ADGRB2: variants seen among roughly 807,000 people sequenced by gnomAD.
ADGRB2 encodes adhesion G protein-coupled receptor B2, also known as brain-specific angiogenesis inhibitor 2.
A neutral mutation model predicts 178.7 loss-of-function variants in ADGRB2; 47 were observed. The ratio of observed to expected loss-of-function variants is 0.26; its 90% confidence interval spans 0.21 to 0.34. The LOEUF (loss-of-function observed/expected upper bound fraction) is 0.34, where lower values mean the gene tolerates loss of function less well. Among genes scored for constraint, ADGRB2 ranks in the 10% least tolerant of loss-of-function variants. The pLI is 1.00. For synonymous variants in ADGRB2, 870 were observed against 912.4 expected (o/e 0.95, Z 0.84); for missense variants, 1,584 against 2,180.8 (o/e 0.73, Z 5.45).
Position 31,764,038 on chromosome 1 carries a change from G to A in ADGRB2, c.-345C>T, listed in dbSNP as rs1647129623. 1 of 974,942 alleles carries A rather than the reference G, an allele frequency of 1.0e-6. No individual in the cohort carries two copies. Among genetic ancestry groups the A allele is most frequent in the African/African-American group, 1.8e-5 (1 of 55,752 alleles). 60.4% of individuals were successfully genotyped at this position (974,942 alleles called of 1,614,324 possible). ...AGGCTCCCGCTCTCCCGGGCGGCGG[G>A]TGCAGAAAAGGCGCCGCGGAGCAGC... On this transcript the variant is annotated 5_prime_UTR_variant, in exon 1 of 33. Coordinates refer to ENST00000373658, the MANE Select transcript of ADGRB2 (RefSeq NM_001364857.2). This position sits in a 1 kb window ranked among gnomAD's most constrained non-coding sequence, Gnocchi z 7.3.
At position 31,739,012 on chromosome 1, in the gene ADGRB2, A is replaced by G. The variant is rs1423178845; in HGVS notation, c.2496-75T>C. The stretch of plus-strand genomic sequence containing the variant: ...GTCAGAAACCCTGAAGCCGCTTTGG[A>G]TGGGTGTGCAGAGGCTTCCAAGGAG... On this transcript the variant is annotated intron_variant, in intron 15 of 32. Transcript: ENST00000373658. The G allele has an allele frequency of 5.2e-6, 7 of 1,346,488 alleles. No individual in the cohort carries two copies. The African/African-American group carries it at 1.0e-4, about 19-fold the overall frequency. The allele number at this position is 1,346,488 out of a possible 1,614,324, so 83.4% of individuals were successfully genotyped here.
Position 31,740,583 on chromosome 1 carries a change from G to A in ADGRB2, c.1795-42C>T, listed in dbSNP as rs1423458188. Reference sequence around the variant, plus strand: ...GGCCACAGTCACTGAAGTGTCAGGAGCTGGAACCAGACCCTGGCCCATCCC... The same window carrying A: ...GGCCACAGTCACTGAAGTGTCAGGAACTGGAACCAGACCCTGGCCCATCCC... On this transcript the variant is annotated intron_variant, in intron 11 of 32. Transcript: ENST00000373658. This position sits in a 1 kb window ranked among gnomAD's most constrained non-coding sequence, Gnocchi z 5.9. 6.5e-7 allele frequency: 1 copy of A among 1,528,350 alleles called. No homozygotes were observed. Among genetic ancestry groups the A allele is most frequent in the Admixed American group, 2.0e-5 (1 of 49,468 alleles). 94.7% of individuals were successfully genotyped at this position (1,528,350 alleles called of 1,614,324 possible). A position where few individuals can be genotyped will look rare whatever the true frequency, so the allele number is the denominator to read the frequency against.
chr1:31,728,101 T>C lies in ADGRB2; in HGVS notation c.4516-20A>G, dbSNP rs1368094861. 1 of 1,611,480 alleles carries C rather than the reference T, an allele frequency of 6.2e-7. No homozygotes were observed. Among genetic ancestry groups the C allele is most frequent in the Admixed American group, 1.7e-5 (1 of 59,834 alleles). On this transcript the variant is annotated intron_variant, in intron 31 of 32. Transcript: ENST00000373658. The surrounding 1 kb of genome is among the most constrained non-coding windows in gnomAD (Gnocchi z 6.7). ...CTCCCTCTGCAACGGGGGCCACCGGTCAGGCTCCAACCCCAGGGGCCACTG... is the reference window on the plus strand; with the variant it reads ...CTCCCTCTGCAACGGGGGCCACCGGCCAGGCTCCAACCCCAGGGGCCACTG...
Position 31,727,949 on chromosome 1 carries a change from C to T in ADGRB2, c.4572+76G>A, listed in dbSNP as rs1172683109. Reference sequence around the variant, plus strand: ...CCTTGGTGAGACAGGCTGGGGTTGCCTGGGAGGGGCAGGAGGGCAGGGAGG... The same window carrying T: ...CCTTGGTGAGACAGGCTGGGGTTGCTTGGGAGGGGCAGGAGGGCAGGGAGG... On this transcript the variant is annotated intron_variant, in intron 32 of 32. Transcript: ENST00000373658. The surrounding 1 kb of genome is among the most constrained non-coding windows in gnomAD (Gnocchi z 4.4). 2 of 1,485,420 alleles carry T rather than the reference C, an allele frequency of 1.3e-6. No individual in the cohort carries two copies. Among genetic ancestry groups the T allele is most frequent in the Admixed American group, 2.1e-5 (1 of 48,632 alleles). The allele number at this position is 1,485,420 out of a possible 1,614,324, so 92.0% of individuals were successfully genotyped here. A position where few individuals can be genotyped will look rare whatever the true frequency, so the allele number is the denominator to read the frequency against.
At chr1:31,738,794 G>C (rs1191956685) in intron 16 of ADGRB2, 38 bp downstream of exon 16, 5 of 1,609,802 alleles carry the variant, frequency 3.1e-6, no homozygotes, top group Non-Finnish European at 4.3e-6. Context: ...CACCCAGGTT[G>C]AGGTGCACCC....
rs1350793024 is a variant in ADGRB2, at chr1:31,759,057, C to A, written c.-190-1546G>T. ...CCCCCACTTACAGCAGCTCAGGGAACCTCCCCTCACATACACACCAACACA... is the reference window on the plus strand; with the variant it reads ...CCCCCACTTACAGCAGCTCAGGGAAACTCCCCTCACATACACACCAACACA... On this transcript the variant is annotated intron_variant, in intron 1 of 32. Coordinates refer to ENST00000373658, the MANE Select transcript of ADGRB2 (RefSeq NM_001364857.2). This position sits in a 1 kb window ranked among gnomAD's most constrained non-coding sequence, Gnocchi z 4.3. Among the ~76,000 whole-genome samples the A allele has an allele frequency of 6.6e-6, 1 of 152,210 alleles. No homozygotes were observed. Among genetic ancestry groups the A allele is most frequent in the African/African-American group, 2.4e-5 (1 of 41,444 alleles).
At chr1:31,736,845 G>A in intron 20 of ADGRB2, 122 bp from the exon 21 acceptor site, 1 of 1,434,832 alleles carries the variant, frequency 7.0e-7, no homozygotes, top group Non-Finnish European at 9.2e-7. Context: ...GCCCCCCACA[G>A]AGCCCTGCCA....
At position 31,754,259 on chromosome 1, in the gene ADGRB2, G is replaced by C. The variant is rs1357341866; in HGVS notation, c.838+1740C>G. 6.6e-6 allele frequency among the ~76,000 whole-genome samples: 1 copy of C among 152,252 alleles called. No individual in the cohort carries two copies. ...CAACCAAGCCCAGCTGGCTGCTCCT[G>C]GCTCTGTGCTCCACATGGCAGCCCG... On this transcript the variant is annotated intron_variant, in intron 4 of 32. Transcript: ENST00000373658. The surrounding 1 kb of genome is among the most constrained non-coding windows in gnomAD (Gnocchi z 5.7).
intron 4 of ADGRB2, among the ~76,000 whole-genome samples, chr1:31,751,989 A>G (rs867393520): frequency 2.0e-5 from 3 of 152,184 alleles, no homozygotes; most frequent in Non-Finnish European, 4.4e-5. Flanking sequence ...AATAGCTCTC[A>G]CTACCCCCGC....
Position 31,744,757 on chromosome 1 carries a change from G to A in ADGRB2, c.839-26C>T. 1.2e-6 allele frequency: 2 copies of A among 1,611,684 alleles called. No individual in the cohort carries two copies. The highest frequency in any genetic ancestry group is 1.7e-6 in the Non-Finnish European group (2 of 1,177,828). ...CTGGAACACGGAGGTGGTGGCAGGG[G>A]CTCAGCAAAGGCCAGCTAGGTTCTG... On this transcript the variant is annotated intron_variant, in intron 4 of 32. Coordinates refer to ENST00000373658, the MANE Select transcript of ADGRB2 (RefSeq NM_001364857.2). This position sits in a 1 kb window ranked among gnomAD's most constrained non-coding sequence, Gnocchi z 6.7.
In ADGRB2 at chr1:31,762,271, C is replaced by T. The variant is rs185227449; in HGVS notation, c.-191+1613G>A. Among the ~76,000 whole-genome samples the T allele has an allele frequency of 2.5e-3, 382 of 152,230 alleles. 2 individuals carry two copies. Among genetic ancestry groups the T allele is most frequent in the African/African-American group, 8.8e-3 (366 of 41,524 alleles). ...AATCTTGGTCCAGAGAAGACCCTCC[C>T]TAACCTCCCCACTACCATCACCAGG... On this transcript the variant is annotated intron_variant, in intron 1 of 32. Transcript: ENST00000373658.
intron 1 of ADGRB2, among the ~76,000 whole-genome samples, chr1:31,762,639 T>C (rs1165847784): frequency 8.1e-6 from 1 of 124,082 alleles, no homozygotes; most frequent in Non-Finnish European, 1.6e-5. Flanking sequence ...CCAGAACATA[T>C]GGCCTGACAA....
In ADGRB2 at chr1:31,744,553, G is replaced by A; in HGVS notation, c.922+95C>T. The A allele has an allele frequency of 5.3e-6, 8 of 1,500,412 alleles. No individual in the cohort carries two copies. The South Asian group carries it at 8.3e-5, about 16-fold the overall frequency. 92.9% of individuals were successfully genotyped at this position (1,500,412 alleles called of 1,614,324 possible). On this transcript the variant is annotated intron_variant, in intron 5 of 32. Coordinates refer to ENST00000373658, the MANE Select transcript of ADGRB2 (RefSeq NM_001364857.2). The surrounding 1 kb of genome is among the most constrained non-coding windows in gnomAD (Gnocchi z 6.7). ...GTGGCACAGACGCGACTGAACTGCA[G>A]GACAGAGACAGACAGGCACACACCA...
rs566941416 is a variant in ADGRB2, at chr1:31,727,853, C to T, written c.4572+172G>A. On this transcript the variant is annotated intron_variant, in intron 32 of 32. Transcript: ENST00000373658. This position sits in a 1 kb window ranked among gnomAD's most constrained non-coding sequence, Gnocchi z 4.4. Reference sequence around the variant, plus strand: ...TCCCAATCCTGGAGGACCTCCACCCCTGTTCGCCATCTGCAGCACCTTCCC... The same window carrying T: ...TCCCAATCCTGGAGGACCTCCACCCTTGTTCGCCATCTGCAGCACCTTCCC... The T allele has an allele frequency of 9.5e-4, 923 of 975,672 alleles. 8 individuals are homozygous for T. The African/African-American group carries it at 0.014, about 15-fold the overall frequency. The allele number at this position is 975,672 out of a possible 1,614,324, so 60.4% of individuals were successfully genotyped here. A position where few individuals can be genotyped will look rare whatever the true frequency, so the allele number is the denominator to read the frequency against.
In ADGRB2 at chr1:31,728,825, C is replaced by CACACACAG. The variant is rs1553179363; in HGVS notation, c.4381-193_4381-192insCTGTGTGT. Among the ~76,000 whole-genome samples the CACACACAG allele has an allele frequency of 1.3e-5, 2 of 151,070 alleles. No homozygotes were observed. Among genetic ancestry groups the CACACACAG allele is most frequent in the South Asian group, 4.3e-4 (2 of 4,684 alleles). Reference sequence around the variant, plus strand: ...CTGAACACACACACACACACACACACACACACACACACACACACACACGTC... The same window carrying CACACACAG: ...CTGAACACACACACACACACACACACACACACAGACACACACACACACACACACACGTC... On this transcript the variant is annotated intron_variant, in intron 29 of 32. Coordinates refer to ENST00000373658, the MANE Select transcript of ADGRB2 (RefSeq NM_001364857.2). This position sits in a 1 kb window ranked among gnomAD's most constrained non-coding sequence, Gnocchi z 6.7.
chr1:31,739,174 C>T, intron 15 of ADGRB2, 134 bp downstream of exon 15: 1 of 1,056,656 alleles, frequency 9.5e-7, no homozygotes, highest in Non-Finnish European at 1.3e-6. Flanking sequence ...GTGTCCAGAG[C>T]CAGGCAAGGG....
Position 31,763,940 on chromosome 1 carries a change from C to A in ADGRB2, c.-247G>T, listed in dbSNP as rs1420175952. The A allele has an allele frequency of 3.0e-6, 3 of 985,248 alleles. No individual in the cohort carries two copies. The highest frequency in any genetic ancestry group is 3.6e-6 in the Non-Finnish European group (3 of 830,026). 61.0% of individuals were successfully genotyped at this position (985,248 alleles called of 1,614,324 possible). A position where few individuals can be genotyped will look rare whatever the true frequency, so the allele number is the denominator to read the frequency against. On this transcript the variant is annotated 5_prime_UTR_variant, in exon 1 of 33. Coordinates refer to ENST00000373658, the MANE Select transcript of ADGRB2 (RefSeq NM_001364857.2). ...GGCGCTGGCGGGGGCGGCCACGGGG[C>A]GCAAGTTTGCCATCCCTAAGTCGGG...
intron 22 of ADGRB2, 87 bp downstream of exon 22, chr1:31,736,234 C>A: frequency 6.8e-7 from 1 of 1,477,622 alleles, no homozygotes; most frequent in Non-Finnish European, 9.3e-7. Flanking sequence ...CCAAAACAGG[C>A]ATGGGCTAGG....
At chr1:31,752,481 C>A (rs557803515) in intron 4 of ADGRB2, among the ~76,000 whole-genome samples, 58 of 152,258 alleles carry the variant, frequency 3.8e-4, no homozygotes, top group Middle Eastern at 3.4e-3. Context: ...CCAGGATGGC[C>A]GAGAGAGCAG....
Sources: gnomAD v4.1 joint callset for allele counts (sites outside exome capture counted in the v4.1 genomes callset) on GRCh38, gnomAD v4.1.1 for gene constraint, Gnocchi (gnomAD v3.1) non-coding constraint, MANE v1.5 for transcripts, NCBI Gene and HGNC (gene_info 2026-07-23, HGNC 2026-07-21) for gene names.